The following METTL9 variants were observed in gnomAD, a reference collection of about 807,000 sequenced individuals.
The protein encoded by METTL9 is methyltransferase 9, His-X-His N1(pi)-histidine.
In METTL9, 10 loss-of-function variants were observed where a neutral mutation model predicts 36.0. The observed-to-expected ratio is 0.28, with a 90% CI of 0.17 to 0.47. METTL9 has a LOEUF of 0.47. Among genes scored for constraint, METTL9 ranks in the 20% least tolerant of loss-of-function variants. The pLI, the probability that METTL9 is intolerant of heterozygous loss-of-function variation, is 0.99. For missense variants in METTL9, 246 were observed against 383.5 expected, an observed-to-expected ratio of 0.64 and a Z score of 3.00; for synonymous variants, 175 against 149.7, an observed-to-expected ratio of 1.17 and a Z score of -1.23.
At position 21,601,728 on chromosome 16, in the gene METTL9, TC is replaced by T. The variant is rs773448835; in HGVS notation, c.165+1831del. The stretch of plus-strand genomic sequence containing the variant: ...TTTATTTCAGATACCGTATTTATAT[TC>T]TGTGTGTGTGTGTGTGTGTGTGTGT... On this transcript the variant is annotated intron_variant, in intron 1 of 4. Transcript: ENST00000358154. 5.0e-3 allele frequency among the ~76,000 whole-genome samples: 543 copies of T among 108,010 alleles called. 3 individuals are homozygous for T. The highest frequency in any genetic ancestry group is 9.8e-3 in the Non-Finnish European group (439 of 44,610). 70.9% of individuals were successfully genotyped at this position (108,010 alleles called of 152,430 possible).
At chr16:21,647,103 A>G in intron 4 of METTL9, 1 of 1,613,974 alleles carries the variant, frequency 6.2e-7, no homozygotes, top group Non-Finnish European at 8.5e-7. Flanking sequence ...AGATGCAATG[A>G]TGCACTGAAA....
chr16:21,612,846 C>A lies in METTL9; in HGVS notation c.356+11C>A. 6.4e-7 allele frequency: 1 copy of A among 1,557,374 alleles called. No homozygotes were observed. Among genetic ancestry groups the A allele is most frequent in the Non-Finnish European group, 8.7e-7 (1 of 1,155,754 alleles). ...AACATCTATCAATGGGTAAGTGAAT[C>A]TTGGACATTTATTTTTTTCTTTATC... is the stretch of plus-strand genomic sequence containing the variant. On this transcript the variant is annotated intron_variant, in intron 2 of 4. Transcript: ENST00000358154.
In METTL9 at chr16:21,627,317, G is replaced by T. The variant is rs934822936; in HGVS notation, c.751+2202G>T. The T allele has an allele frequency of 5.1e-6, 5 of 984,978 alleles. No individual in the cohort carries two copies. The Admixed American group carries it at 2.5e-4, about 49-fold the overall frequency. 61.0% of individuals were successfully genotyped at this position (984,978 alleles called of 1,614,324 possible). On this transcript the variant is annotated intron_variant, in intron 4 of 4. Coordinates refer to ENST00000358154, the MANE Select transcript of METTL9 (RefSeq NM_016025.5). ...ATTTGTTTTTTTTTAACTAAAAGTAGTTGTAGGTGAAATGATTACTTAGGT... is the reference window on the plus strand; with the variant it reads ...ATTTGTTTTTTTTTAACTAAAAGTATTTGTAGGTGAAATGATTACTTAGGT...
At chr16:21,604,993 A>T (rs924625000) in intron 1 of METTL9, among the ~76,000 whole-genome samples, 1 of 152,084 alleles carries the variant, frequency 6.6e-6, no homozygotes, top group Admixed American at 6.6e-5. Context: ...CTGGCCTTCT[A>T]TTGTGTGCCA....
intron 4 of METTL9, among the ~76,000 whole-genome samples, chr16:21,630,582 G>T (rs1387191398): frequency 6.6e-6 from 1 of 152,214 alleles, no homozygotes; most frequent in Admixed American, 6.5e-5. Flanking sequence ...ACTTCCTGCT[G>T]GATAGGGGCG....
At position 21,655,618 on chromosome 16, in the gene METTL9, CA is replaced by C; in HGVS notation, c.*191del. 1 of 564,910 alleles carries C rather than the reference CA, an allele frequency of 1.8e-6. No homozygotes were observed. 35.0% of individuals were successfully genotyped at this position (564,910 alleles called of 1,614,324 possible). A position where few individuals can be genotyped will look rare whatever the true frequency, so the allele number is the denominator to read the frequency against. On this transcript the variant is annotated 3_prime_UTR_variant, in exon 5 of 5. Coordinates refer to ENST00000358154, the MANE Select transcript of METTL9 (RefSeq NM_016025.5). ...TGTGTAAAGGAATGTTTTTAAAAGA[CA>C]AAAACCCAACTCTTTGTGGATTTTT...
At chr16:21,647,345 GCAC>G (rs1966456899) in intron 4 of METTL9, 1 of 1,614,046 alleles carries the variant, frequency 6.2e-7, no homozygotes, top group Non-Finnish European at 8.5e-7. Flanking sequence ...AGGCTGGTGA[GCAC>G]CGTAGCGAAA....
intron 4 of METTL9, among the ~76,000 whole-genome samples, chr16:21,634,296 C>T (rs1253441451): frequency 1.3e-5 from 2 of 152,154 alleles, no homozygotes; most frequent in Non-Finnish European, 2.9e-5. Context: ...CTGGCGCTTG[C>T]CCCGGGCACC....
intron 1 of METTL9, among the ~76,000 whole-genome samples, chr16:21,603,288 G>A (rs2152892369): frequency 6.6e-6 from 1 of 152,160 alleles, no homozygotes; most frequent in South Asian, 2.1e-4. Context: ...ACAGGCACGT[G>A]CCAGCACACC....
chr16:21,620,886 T>C (rs1390559593), intron 3 of METTL9, among the ~76,000 whole-genome samples: 1 of 152,180 alleles, frequency 6.6e-6, no homozygotes, highest in Non-Finnish European at 1.5e-5. Flanking sequence ...AGCTGAATTT[T>C]ACATTTTTTT....
At chr16:21,619,916 A>G (rs369144694) in intron 3 of METTL9, among the ~76,000 whole-genome samples, 1 of 152,180 alleles carries the variant, frequency 6.6e-6, no homozygotes, top group Non-Finnish European at 1.5e-5. Context: ...TCCTATCCAC[A>G]TGTTTCTACT....
At chr16:21,610,526 T>G (rs896394307) in intron 1 of METTL9, among the ~76,000 whole-genome samples, 4 of 152,246 alleles carry the variant, frequency 2.6e-5, no homozygotes, top group African/African-American at 9.6e-5. Context: ...TTTGCTCTAT[T>G]TTTGTTCTGT....
chr16:21,641,527 A>G (rs2141609988), intron 4 of METTL9: 1 of 1,562,090 alleles, frequency 6.4e-7, no homozygotes, highest in Non-Finnish European at 8.8e-7. Context: ...TGAAAATTAA[A>G]ACGTTTCTAT....
chr16:21,621,848 C>G (rs746470287), intron 3 of METTL9, among the ~76,000 whole-genome samples: 1 of 151,924 alleles, frequency 6.6e-6, no homozygotes, highest in African/African-American at 2.4e-5. Context: ...GTTTAGAGCT[C>G]TCCCAACCCG....
intron 4 of METTL9, among the ~76,000 whole-genome samples, chr16:21,637,254 A>G (rs1308831815): frequency 2.0e-5 from 3 of 152,156 alleles, no homozygotes; most frequent in African/African-American, 4.8e-5. Flanking sequence ...GTCCGTTTTG[A>G]CAGAGCGCTG....
intron 4 of METTL9, chr16:21,647,424 C>T (rs748247374): frequency 6.2e-7 from 1 of 1,614,000 alleles, no homozygotes. Context: ...ATGGTGACGG[C>T]CTCATGAGTG....
At chr16:21,599,446 G>C, upstream of METTL9, 1 of 1,147,970 alleles carries the variant, frequency 8.7e-7, no homozygotes, top group Non-Finnish European at 1.1e-6. The surrounding 1 kb of genome is among the most constrained non-coding windows in gnomAD (Gnocchi z 4.4). Context: ...TCATTGGACG[G>C]AGGGAGGGCG....
intron 3 of METTL9, among the ~76,000 whole-genome samples, chr16:21,620,456 G>T (rs1965667200): frequency 6.6e-6 from 1 of 152,086 alleles, no homozygotes; most frequent in Non-Finnish European, 1.5e-5. Flanking sequence ...AAAAATCCAT[G>T]CTTTGAAGTG....
upstream of METTL9, among the ~76,000 whole-genome samples, chr16:21,597,488 C>T (rs1964973912): frequency 6.6e-6 from 1 of 152,282 alleles, no homozygotes; most frequent in South Asian, 2.1e-4. Flanking sequence ...ACAAAATCTG[C>T]TCCTTTGAGC....
Sources: gnomAD v4.1 joint callset for allele counts (sites outside exome capture counted in the v4.1 genomes callset) on GRCh38, gnomAD v4.1.1 for gene constraint, Gnocchi (gnomAD v3.1) non-coding constraint, MANE v1.5 for transcripts, NCBI Gene and HGNC (gene_info 2026-07-23, HGNC 2026-07-21) for gene names.